AKNA: variants seen among roughly 807,000 people sequenced by gnomAD.
AKNA encodes AT-hook transcription factor.
AKNA carries 67 observed loss-of-function variants against 138.8 expected under a neutral mutation model. That is an observed-to-expected ratio of 0.48 (90% confidence interval 0.40 to 0.59). AKNA has a LOEUF of 0.59. Ranked by LOEUF, AKNA falls within the 20% of genes least tolerant of loss-of-function variation. The probability of loss-of-function intolerance (pLI) is 0.00; values close to 1 mark genes in which losing one functional copy is unlikely to be tolerated. For missense variants in AKNA, 1,813 were observed against 1,880.4 expected, an observed-to-expected ratio of 0.96 and a Z score of 0.66; for synonymous variants, 737 against 754.4, an observed-to-expected ratio of 0.98 and a Z score of 0.38.
At chr9:114,368,690 C>T in intron 4 of AKNA, 95 bp from the exon 5 acceptor site, 1 of 1,076,306 alleles carries the variant, frequency 9.3e-7, no homozygotes, top group Non-Finnish European at 1.2e-6. Flanking sequence ...ACACACATGC[C>T]CTGTAGTAAT....
chr9:114,355,365 C>T (rs949208190), intron 14 of AKNA, among the ~76,000 whole-genome samples: 8 of 151,820 alleles, frequency 5.3e-5, no homozygotes, highest in Non-Finnish European at 1.0e-4. Context: ...TTAGTAGAGA[C>T]GGGGTTTCAC....
intron 1 of AKNA, among the ~76,000 whole-genome samples, chr9:114,381,767 TCTC>T (rs1833700370): frequency 7.0e-6 from 1 of 141,962 alleles, no homozygotes; most frequent in Non-Finnish European, 1.5e-5. Flanking sequence ...TTCAAGCAAT[TCTC>T]CTGCCTCAGC....
chr9:114,385,747 A>T (rs1358530346), intron 1 of AKNA, among the ~76,000 whole-genome samples: 1 of 152,140 alleles, frequency 6.6e-6, no homozygotes, highest in African/African-American at 2.4e-5. Context: ...TCTGCCTTCC[A>T]TGCGAGCCAT....
At chr9:114,356,277 A>T (rs1831500363) in intron 13 of AKNA, 141 bp from the exon 14 acceptor site, 8 of 736,370 alleles carry the variant, frequency 1.1e-5, no homozygotes, top group Non-Finnish European at 1.5e-5. Flanking sequence ...CAATATTTCC[A>T]AGGACACACA....
intron 14 of AKNA, among the ~76,000 whole-genome samples, chr9:114,353,817 T>C (rs559081122): frequency 6.6e-6 from 1 of 152,312 alleles, no homozygotes; most frequent in South Asian, 2.1e-4. Flanking sequence ...CATAAAAATA[T>C]GGTATAAAAG....
chr9:114,358,233 T>A, intron 11 of AKNA, 66 bp from the exon 12 acceptor site: 3 of 1,600,676 alleles, frequency 1.9e-6, no homozygotes, highest in Non-Finnish European at 2.6e-6. Flanking sequence ...GGTTGGCCTG[T>A]CCTGGGAGCC....
chr9:114,369,645 C>T (rs1033449415), intron 4 of AKNA, among the ~76,000 whole-genome samples: 3 of 152,104 alleles, frequency 2.0e-5, no homozygotes, highest in African/African-American at 7.2e-5. Context: ...TCACCACCAC[C>T]GTCATCACCA....
chr9:114,362,861 ACT>A (rs141762046), intron 7 of AKNA, among the ~76,000 whole-genome samples: 3,938 of 151,990 alleles, frequency 0.026, 59 homozygotes, highest in Non-Finnish European at 0.042. Flanking sequence ...TGTCAAATAC[ACT>A]CTCACTATTA....
At chr9:114,372,984 G>A (rs900464781) in intron 4 of AKNA, among the ~76,000 whole-genome samples, 4 of 121,976 alleles carry the variant, frequency 3.3e-5, no homozygotes, top group African/African-American at 1.2e-4. Context: ...GGGGGTCCTG[G>A]TCCTAGAACA....
At chr9:114,360,165 A>T in intron 9 of AKNA, 103 bp from the exon 10 acceptor site, 2 of 1,440,264 alleles carry the variant, frequency 1.4e-6, no homozygotes, top group Non-Finnish European at 1.9e-6. Flanking sequence ...GCGGGGTAAG[A>T]AGCACATTAG....
intron 11 of AKNA, 45 bp from the exon 12 acceptor site, chr9:114,358,212 C>T: frequency 1.2e-6 from 2 of 1,610,038 alleles, no homozygotes; most frequent in Non-Finnish European, 1.7e-6. Context: ...GCCAGGCAGC[C>T]CTGACGCAGG....
chr9:114,343,920 C>A, intron 18 of AKNA, 117 bp from the exon 19 acceptor site: 6 of 893,254 alleles, frequency 6.7e-6, no homozygotes, highest in Non-Finnish European at 1.0e-5. Flanking sequence ...CTCTGTCTCT[C>A]TCTCACGTGT....
chr9:114,338,505 GCATCCTCATCTT>G (rs1343312674), intron 21 of AKNA, among the ~76,000 whole-genome samples: 1 of 152,220 alleles, frequency 6.6e-6, no homozygotes, highest in Non-Finnish European at 1.5e-5. Context: ...CCCAGGGCTG[GCATCCTCATCTT>G]TGGTACCCAT....
upstream of AKNA, among the ~76,000 whole-genome samples, chr9:114,389,676 C>T (rs895225372): frequency 6.6e-6 from 1 of 152,232 alleles, no homozygotes; most frequent in African/African-American, 2.4e-5. Flanking sequence ...ACAACTATTG[C>T]TGCTACTTAG....
rs1193011455 is a variant in AKNA at position 114,358,009 on chromosome 9, T to C, written c.2651A>G (p.Gln884Arg). 2.5e-6 allele frequency: 4 copies of C among 1,610,038 alleles called. No individual in the cohort carries two copies. The Admixed American group carries it at 5.0e-5, about 20-fold the overall frequency. The change falls in exon 12 of 22, where the codon CAA (glutamine) becomes CGA (arginine). Residue 884 changes from glutamine to arginine, a missense_variant. Coordinates refer to ENST00000374088, the MANE Select transcript of AKNA (RefSeq NM_001317950.2). ...TCCCTCCAGGCTGGTCATACTACTT[T>C]GGTGGGATGCTGCGGACTTGGTGCC... The part of the protein sequence containing the change: ...PPGTKSAASH[Q>R]SSMTSLEGSG...
At chr9:114,353,206 T>C (rs1831252731) in intron 14 of AKNA, among the ~76,000 whole-genome samples, 1 of 152,116 alleles carries the variant, frequency 6.6e-6, no homozygotes, top group South Asian at 2.1e-4. Context: ...TATAGTACAA[T>C]TTAGTGAAAA....
chr9:114,382,041 T>C (rs1316149119), intron 1 of AKNA, among the ~76,000 whole-genome samples: 1 of 152,192 alleles, frequency 6.6e-6, no homozygotes, highest in Non-Finnish European at 1.5e-5. Context: ...TGCTAGCTAG[T>C]GTTACTGCGT....
At chr9:114,370,595 T>C (rs1486784551) in intron 4 of AKNA, among the ~76,000 whole-genome samples, 1 of 152,212 alleles carries the variant, frequency 6.6e-6, no homozygotes, top group African/African-American at 2.4e-5. Flanking sequence ...CTGGTCTCTC[T>C]GGACACAGCC....
rs767572273 is a variant in AKNA, at chr9:114,361,835, C to T, written c.1993G>A (p.Glu665Lys). 2.0e-5 allele frequency: 32 copies of T among 1,612,578 alleles called. No homozygotes were observed. The highest frequency in any genetic ancestry group is 2.5e-5 in the Non-Finnish European group (30 of 1,180,010). ...GAGTCTGACCCGGGCGGCTCAGGCT[C>T]TTGCTGGGTCTGGTCTATGTGTTCC... ...LKEHIDQTQQ[E>K]PEPPGSDSAL... The change falls in exon 9 of 22, where the codon GAG (glutamate) becomes AAG (lysine). Residue 665 changes from glutamate (E) to lysine (K), a missense_variant. Coordinates refer to ENST00000374088, the MANE Select transcript of AKNA (RefSeq NM_001317950.2).
Sources: gnomAD v4.1 joint callset for allele counts (sites outside exome capture counted in the v4.1 genomes callset) on GRCh38, gnomAD v4.1.1 for gene constraint, MANE v1.5 for transcripts, NCBI Gene and HGNC (gene_info 2026-07-23, HGNC 2026-07-21) for gene names.